TASOR2: variants seen among roughly 807,000 people sequenced by gnomAD.
TASOR2 encodes protein TASOR 2.
Under a neutral mutation model 199.5 loss-of-function variants are expected in TASOR2, and 84 were observed. The observed-to-expected ratio is 0.42, with a 90% CI of 0.35 to 0.50. The LOEUF (loss-of-function observed/expected upper bound fraction) is 0.50. TASOR2 is among the 20% of genes least tolerant of loss of function. The pLI, the probability that TASOR2 is intolerant of heterozygous loss-of-function variation, is 0.02. For missense variants in TASOR2, 2,796 were observed against 2,835.9 expected (o/e 0.99, Z 0.32); for synonymous variants, 1,103 against 1,046.6 (o/e 1.05, Z -1.04).
Position 5,687,546 on chromosome 10 carries a change from A to G in TASOR2, c.-288+2371A>G, listed in dbSNP as rs1233615221. Among the ~76,000 whole-genome samples, 1 of 152,258 alleles carries G rather than the reference A, an allele frequency of 6.6e-6. No individual in the cohort carries two copies. Among genetic ancestry groups the G allele is most frequent in the Admixed American group, 6.5e-5 (1 of 15,282 alleles). On this transcript the variant is annotated intron_variant, in intron 1 of 20. Coordinates refer to ENST00000328090, the Ensembl canonical transcript of TASOR2. This position sits in a 1 kb window ranked among gnomAD's most constrained non-coding sequence, Gnocchi z 4.8. The stretch of plus-strand genomic sequence containing the variant: ...TTAAGAACCATTGAGGGGGCCAGGT[A>G]CGGTGGCCCACGCCTGTAATCCCAG...
At position 5,720,753 on chromosome 10, in the gene TASOR2, A is replaced by G. The variant is rs1241031988; in HGVS notation, c.27-2A>G. On this transcript the variant is annotated splice_acceptor_variant, in intron 4 of 20. Transcript: ENST00000328090. LOFTEE classifies it high-confidence loss of function. The surrounding 1 kb of genome is among the most constrained non-coding windows in gnomAD (Gnocchi z 5.3). ...TGTTCTTTTTCTTTCTTTTTCTGCT[A>G]GACTTGAACGCAGTGAAAATGGTAA... 4.3e-6 allele frequency: 7 copies of G among 1,612,698 alleles called. No homozygotes were observed. The highest frequency in any genetic ancestry group is 5.9e-6 in the Non-Finnish European group (7 of 1,179,706).
rs1413696668 is a variant in TASOR2, at chr10:5,685,548, C to T, written c.-288+373C>T. On this transcript the variant is annotated intron_variant, in intron 1 of 20. Coordinates refer to ENST00000328090, the Ensembl canonical transcript of TASOR2. The surrounding 1 kb of genome is among the most constrained non-coding windows in gnomAD (Gnocchi z 5.4). ...GTTTGCACCGGCTGGGAAATCATTT[C>T]CTGCGGGTTCTGCGTGAAGCCTGCT... Among the ~76,000 whole-genome samples the T allele has an allele frequency of 6.6e-6, 1 of 152,184 alleles. No homozygotes were observed. The highest frequency in any genetic ancestry group is 2.4e-5 in the African/African-American group (1 of 41,442).
exon 15 of TASOR2, chr10:5,747,077 G>A (rs754290512): frequency 6.2e-7 from 1 of 1,614,130 alleles, no homozygotes; most frequent in South Asian, 1.1e-5. Flanking sequence ...GGAAGGCAGT[G>A]TTCACTTAAC....
intron 2 of TASOR2, among the ~76,000 whole-genome samples, chr10:5,715,483 C>T (rs929754563): frequency 1.3e-5 from 2 of 152,090 alleles, no homozygotes; most frequent in African/African-American, 4.8e-5. Context: ...GGAATCATAT[C>T]ATATATGGTA....
rs1196323970 is a variant in TASOR2, at chr10:5,719,512, T to G, written c.-99-1032T>G. Among the ~76,000 whole-genome samples, 6 of 152,042 alleles carry G rather than the reference T, an allele frequency of 3.9e-5. No individual in the cohort carries two copies. ...CGCGCGCTACCACACCCAGCTAATT[T>G]TTTTGTATTTTTAGTAAAGGCAGGG... On this transcript the variant is annotated intron_variant, in intron 3 of 20. Coordinates refer to ENST00000328090, the Ensembl canonical transcript of TASOR2. The surrounding 1 kb of genome is among the most constrained non-coding windows in gnomAD (Gnocchi z 4.1).
rs1837375392 is a variant in TASOR2, at chr10:5,698,129, T to C, written c.-288+12954T>C. Among the ~76,000 whole-genome samples the C allele has an allele frequency of 6.6e-6, 1 of 152,244 alleles. No individual in the cohort carries two copies. The highest frequency in any genetic ancestry group is 1.5e-5 in the Non-Finnish European group (1 of 68,042). On this transcript the variant is annotated intron_variant, in intron 1 of 20. Transcript: ENST00000328090. This position sits in a 1 kb window ranked among gnomAD's most constrained non-coding sequence, Gnocchi z 4.4. ...GATATTTCCCTACTCCTTGACTTTG[T>C]GTTTGGCTATGTGACTTGCTAAGGT...
At position 5,742,792 on chromosome 10, in the gene TASOR2, T is replaced by C. The variant is rs1836624841; in HGVS notation, c.2757+266T>C. ...ACATGATCTGGGAGCCCAGCATAAT[T>C]TGGGGCAAATTGCTTCTTTGCCTAA... On this transcript the variant is annotated intron_variant, in intron 14 of 20. Transcript: ENST00000328090. The surrounding 1 kb of genome is among the most constrained non-coding windows in gnomAD (Gnocchi z 4.2). Among the ~76,000 whole-genome samples, 5 of 152,112 alleles carry C rather than the reference T, an allele frequency of 3.3e-5. No individual in the cohort carries two copies. The highest frequency in any genetic ancestry group is 3.3e-4 in the Admixed American group (5 of 15,278).
rs937673750 is a variant in TASOR2 at position 5,710,094 on chromosome 10, T to A, written c.-287-2729T>A. ...CAGCAGTTATGAGACCATTCATTCA[T>A]AAAGTGTTTGTATTGTTTGGTGCAC... On this transcript the variant is annotated intron_variant, in intron 1 of 20. Coordinates refer to ENST00000328090, the Ensembl canonical transcript of TASOR2. The surrounding 1 kb of genome is among the most constrained non-coding windows in gnomAD (Gnocchi z 4.6). 6.6e-6 allele frequency among the ~76,000 whole-genome samples: 1 copy of A among 152,222 alleles called. No homozygotes were observed. Among genetic ancestry groups the A allele is most frequent in the Non-Finnish European group, 1.5e-5 (1 of 68,000 alleles).
At chr10:5,761,575 G>A in intron 19 of TASOR2, 104 bp downstream of exon 20, 1 of 953,768 alleles carries the variant, frequency 1.0e-6, no homozygotes, top group Non-Finnish European at 1.6e-6. Context: ...TAAATGGCTT[G>A]GCATCCCATG....
At chr10:5,749,831 A>C (rs761341274) in exon 15 of TASOR2, 1 of 1,614,218 alleles carries the variant, frequency 6.2e-7, no homozygotes. Flanking sequence ...GAGCTAAATG[A>C]TGTTTCTGGA....
intron 20 of TASOR2, 82 bp from the exon 22 acceptor site, chr10:5,762,947 C>T: frequency 7.4e-7 from 1 of 1,347,992 alleles, no homozygotes; most frequent in South Asian, 1.3e-5. Context: ...TAGGCGTTTT[C>T]CCCATTAGAG....
intron 1 of TASOR2, among the ~76,000 whole-genome samples, chr10:5,691,646 A>C (rs1836437218): frequency 1.3e-5 from 2 of 152,234 alleles, no homozygotes; most frequent in Admixed American, 1.3e-4. Flanking sequence ...ATGATGAATA[A>C]GATCTACTAA....
chr10:5,746,809 G>C (rs1190050922), exon 15 of TASOR2: 1 of 1,614,084 alleles, frequency 6.2e-7, no homozygotes. Context: ...CTCGTCAGTA[G>C]GTGGAGAGAC....
At chr10:5,759,964 T>C (rs767736036) in intron 18 of TASOR2, among the ~76,000 whole-genome samples, 6 of 152,240 alleles carry the variant, frequency 3.9e-5, no homozygotes, top group Non-Finnish European at 8.8e-5. Context: ...AAGGTTCTGA[T>C]GTACCACAGC....
chr10:5,727,207 C>T (rs1017491561), intron 10 of TASOR2, 84 bp downstream of exon 11: 1 of 1,389,912 alleles, frequency 7.2e-7, no homozygotes, highest in Non-Finnish European at 1.0e-6. Context: ...CAGCACGTGA[C>T]ACTGTTGACT....
chr10:5,686,163 A>G (rs1259546358), intron 1 of TASOR2, among the ~76,000 whole-genome samples: 4 of 152,234 alleles, frequency 2.6e-5, no homozygotes, highest in Non-Finnish European at 4.4e-5. Flanking sequence ...CAGGCCAGAA[A>G]AAGGGTGACA....
exon 15 of TASOR2, chr10:5,747,791 G>T: frequency 6.2e-7 from 1 of 1,613,878 alleles, no homozygotes; most frequent in Non-Finnish European, 8.5e-7. Context: ...GTTTTTGTTG[G>T]TCCTACCCAT....
intron 20 of TASOR2, 77 bp downstream of exon 21, chr10:5,762,723 GAA>G: frequency 1.3e-6 from 1 of 774,252 alleles, no homozygotes. Flanking sequence ...GTGTCTAAGG[GAA>G]ACAGTTGGGA....
Position 5,701,671 on chromosome 10 carries a change from T to A in TASOR2, c.-287-11152T>A, listed in dbSNP as rs377221419. On this transcript the variant is annotated intron_variant, in intron 1 of 20. Coordinates refer to ENST00000328090, the Ensembl canonical transcript of TASOR2. The surrounding 1 kb of genome is among the most constrained non-coding windows in gnomAD (Gnocchi z 4.9). ...TTATAGTTTTTCTTGTATAGATCTTTCACTTCTTTGGCTAAATTGATTCCT... is the reference window on the plus strand; with the variant it reads ...TTATAGTTTTTCTTGTATAGATCTTACACTTCTTTGGCTAAATTGATTCCT... 6.6e-6 allele frequency among the ~76,000 whole-genome samples: 1 copy of A among 152,328 alleles called. No individual in the cohort carries two copies. The highest frequency in any genetic ancestry group is 1.9e-4 in the East Asian group (1 of 5,192).
Sources: allele counts gnomAD v4.1 joint callset (sites outside exome capture counted in the v4.1 genomes callset), GRCh38; gene constraint gnomAD v4.1.1; non-coding constraint Gnocchi (gnomAD v3.1); transcripts MANE v1.5; gene names NCBI Gene and HGNC (gene_info 2026-07-23, HGNC 2026-07-21).